ELOVL6: variants seen among roughly 807,000 people sequenced by gnomAD.
ELOVL6 encodes the protein ELOVL fatty acid elongase 6, also known as very long chain fatty acid elongase 6.
Under a neutral mutation model 31.7 loss-of-function variants are expected in ELOVL6, and 8 were observed. The ratio of observed to expected loss-of-function variants is 0.25; its 90% CI spans 0.15 to 0.45. The LOEUF (loss-of-function observed/expected upper bound fraction) is 0.45. ELOVL6 is among the 20% of genes least tolerant of loss of function. ELOVL6 has a pLI of 1.00. For synonymous variants in ELOVL6, 101 were observed against 117.7 expected, an observed-to-expected ratio of 0.86 and a Z score of 0.92; for missense variants, 126 against 326.4, an observed-to-expected ratio of 0.39 and a Z score of 4.73.
chr4:110,084,057 G>GAT (rs1259837871), intron 2 of ELOVL6, among the ~76,000 whole-genome samples: 240 of 18,758 alleles, frequency 0.013, 12 homozygotes, highest in South Asian at 0.03. Flanking sequence ...TGCTATATAT[G>GAT]ATATATAACA....
In ELOVL6 at chr4:110,072,838, G is replaced by T. The variant is rs142081129; in HGVS notation, c.222-13084C>A. Among the ~76,000 whole-genome samples the T allele has an allele frequency of 6.2e-3, 938 of 152,268 alleles. 9 individuals carry two copies. Among genetic ancestry groups the T allele is most frequent in the African/African-American group, 0.022 (904 of 41,546 alleles). The stretch of plus-strand genomic sequence containing the variant: ...ACTTCCTGTTCCTCAAAGGCAGCCT[G>T]AAAGTTGTCACCCTATTGTACTTCA... On this transcript the variant is annotated intron_variant, in intron 2 of 3. Coordinates refer to ENST00000302274, the MANE Select transcript of ELOVL6 (RefSeq NM_024090.3).
rs1754756759 is a variant in ELOVL6 at position 110,048,563 on chromosome 4, A to G, written c.*2775T>C. On this transcript the variant is annotated 3_prime_UTR_variant, in exon 4 of 4. Transcript: ENST00000302274. ...ATGTTAACTGGCAGCAGGATTATCT[A>G]TGCAGCAGTCAATTCTCTGGTAGGT... The G allele has an allele frequency of 6.6e-6, 1 of 152,176 alleles. No homozygotes were observed. Among genetic ancestry groups the G allele is most frequent in the South Asian group, 2.1e-4 (1 of 4,828 alleles). 9.4% of individuals were successfully genotyped at this position (152,176 alleles called of 1,614,324 possible).
chr4:110,080,156 A>G (rs1414494239), intron 2 of ELOVL6, among the ~76,000 whole-genome samples: 2 of 152,236 alleles, frequency 1.3e-5, no homozygotes, highest in African/African-American at 4.8e-5. Flanking sequence ...GAATTCTACC[A>G]GAGGTACAAG....
rs754680390 is a variant in ELOVL6 at position 110,051,562 on chromosome 4, G to A, written c.574C>T (p.Arg192Trp). 5 of 1,614,156 alleles carry A rather than the reference G, an allele frequency of 3.1e-6. No individual in the cohort carries two copies. Among genetic ancestry groups the A allele is most frequent in the Non-Finnish European group, 4.2e-6 (5 of 1,180,014 alleles). ...ALRAAGFRVS[R>W]KFAMFITLSQ... Reference sequence around the variant, plus strand: ...AAGGTGATGAACATGGCAAACTTCCGGGAGACTCGGAAACCTGCCGCCCGC... The same window carrying A: ...AAGGTGATGAACATGGCAAACTTCCAGGAGACTCGGAAACCTGCCGCCCGC... Residue 192 changes from arginine (R) to tryptophan (W), a missense_variant, in exon 4 of 4, where the codon CGG becomes TGG. Arg to Trp is a moderately radical substitution (Grantham distance 101, BLOSUM62 -3). Around this residue, in one of 3 missense-constraint regions of ELOVL6, gnomAD observed 57 missense variants for 110.2 expected, o/e 0.52. Coordinates refer to ENST00000302274, the MANE Select transcript of ELOVL6 (RefSeq NM_024090.3). This position sits in a 1 kb window ranked among gnomAD's most constrained non-coding sequence, Gnocchi z 4.8.
intron 2 of ELOVL6, among the ~76,000 whole-genome samples, chr4:110,087,799 A>C (rs1756308700): frequency 7.2e-6 from 1 of 139,118 alleles, no homozygotes; most frequent in Non-Finnish European, 1.5e-5. Context: ...CCTAAAATAA[A>C]ATTGTAAAAA....
intron 1 of ELOVL6, among the ~76,000 whole-genome samples, chr4:110,117,298 T>C (rs1307913919): frequency 6.6e-6 from 1 of 151,988 alleles, no homozygotes; most frequent in East Asian, 1.9e-4. Context: ...AAAAGAGAAA[T>C]TGGAAAACTC....
intron 2 of ELOVL6, among the ~76,000 whole-genome samples, chr4:110,099,120 T>C (rs1243402287): frequency 6.6e-6 from 1 of 152,204 alleles, no homozygotes; most frequent in Non-Finnish European, 1.5e-5. Flanking sequence ...TTAGTTTTAT[T>C]ATATACTTGT....
At chr4:110,191,070 C>T (rs1198421891) in intron 1 of ELOVL6, among the ~76,000 whole-genome samples, 1 of 152,120 alleles carries the variant, frequency 6.6e-6, no homozygotes, top group Non-Finnish European at 1.5e-5. Flanking sequence ...CCGCCTGCCT[C>T]GGCCTCCCAA....
Position 110,198,567 on chromosome 4 carries a change from C to A in ELOVL6, c.-232G>T. On this transcript the variant is annotated 5_prime_UTR_variant, in exon 1 of 4. Transcript: ENST00000302274. ...CCTCTCTCTGGGGCTCTCCTCCTCC[C>A]GGCGTCCGCATCCACCGTAGGAGGA... is the stretch of plus-strand genomic sequence containing the variant. 1 of 475,798 alleles carries A rather than the reference C, an allele frequency of 2.1e-6. No homozygotes were observed. The highest frequency in any genetic ancestry group is 3.5e-5 in the East Asian group (1 of 28,286). 29.5% of individuals were successfully genotyped at this position (475,798 alleles called of 1,614,324 possible). A position where few individuals can be genotyped will look rare whatever the true frequency, so the allele number is the denominator to read the frequency against.
At chr4:110,083,939 TATATAACATGTTATATATGATATATATG>T (rs576724256) in intron 2 of ELOVL6, among the ~76,000 whole-genome samples, 4,844 of 123,564 alleles carry the variant, frequency 0.039, 805 homozygotes, top group Non-Finnish European at 0.046. Context: ...TATAGAGATA[TATATAACATGTTATATATGATATATATG>T]ATATAACATA....
intron 2 of ELOVL6, among the ~76,000 whole-genome samples, chr4:110,084,670 C>G (rs1215879571): frequency 1.5e-5 from 2 of 135,546 alleles, no homozygotes; most frequent in African/African-American, 5.5e-5. Flanking sequence ...TCTCGGCTCA[C>G]TGCAACCTCC....
At chr4:110,115,285 C>A (rs1757141348) in intron 1 of ELOVL6, among the ~76,000 whole-genome samples, 1 of 151,896 alleles carries the variant, frequency 6.6e-6, no homozygotes, top group African/African-American at 2.4e-5. Context: ...ATTTTGTCAG[C>A]AAAATCAAAT....
At chr4:110,055,640 T>C (rs1169207384) in intron 3 of ELOVL6, among the ~76,000 whole-genome samples, 1 of 152,050 alleles carries the variant, frequency 6.6e-6, no homozygotes, top group Admixed American at 6.6e-5. Flanking sequence ...ACAGAGAGGC[T>C]ACTCTGTGTG....
intron 2 of ELOVL6, among the ~76,000 whole-genome samples, chr4:110,066,511 C>G (rs778390289): frequency 1.3e-5 from 2 of 151,572 alleles, no homozygotes; most frequent in African/African-American, 4.8e-5. Flanking sequence ...TGGTGACAGG[C>G]GCCTGTGGTC....
In ELOVL6 at chr4:110,052,192, C is replaced by T. The variant is rs17041278; in HGVS notation, c.374-430G>A. Reference sequence around the variant, plus strand: ...CACCTGGAGGGGACTGGTGACTTGTCTTAGATCATTTATCAATCAAAGGAA... The same window carrying T: ...CACCTGGAGGGGACTGGTGACTTGTTTTAGATCATTTATCAATCAAAGGAA... On this transcript the variant is annotated intron_variant, in intron 3 of 3. Transcript: ENST00000302274. Among the ~76,000 whole-genome samples, 1,183 of 152,298 alleles carry T rather than the reference C, an allele frequency of 7.8e-3. 59 individuals are homozygous for T. In the East Asian group the frequency reaches 0.11, roughly 14 times the overall value.
chr4:110,198,095 C>CGG, intron 1 of ELOVL6, 152 bp downstream of exon 1: 1 of 437,400 alleles, frequency 2.3e-6, no homozygotes, highest in South Asian at 1.8e-5. Context: ...CCCAGCGTCT[C>CGG]CTGCACCCGG....
chr4:110,135,343 T>C (rs1757782838), intron 1 of ELOVL6, among the ~76,000 whole-genome samples: 1 of 152,220 alleles, frequency 6.6e-6, no homozygotes, highest in African/African-American at 2.4e-5. Context: ...ATGCAGCACA[T>C]ACTGTGTTAA....
intron 1 of ELOVL6, among the ~76,000 whole-genome samples, chr4:110,197,250 G>A (rs547657771): frequency 6.6e-6 from 1 of 152,374 alleles, no homozygotes; most frequent in Admixed American, 6.5e-5. Flanking sequence ...AAGGGGAGGA[G>A]AGGAATGCCT....
chr4:110,155,890 G>A (rs543713126), intron 1 of ELOVL6, among the ~76,000 whole-genome samples: 11 of 152,186 alleles, frequency 7.2e-5, no homozygotes, highest in East Asian at 1.9e-4. Context: ...ATTACAACAC[G>A]GGAAGCACAG....
Sources: gnomAD v4.1 joint callset for allele counts (sites outside exome capture counted in the v4.1 genomes callset) on GRCh38, gnomAD v4.1.1 for gene constraint, gnomAD v4.1.1 regional missense constraint, Gnocchi (gnomAD v3.1) non-coding constraint, MANE v1.5 for transcripts, NCBI Gene and HGNC (gene_info 2026-07-23, HGNC 2026-07-21) for gene names.